Variants in ASCC3 observed in about 807,000 individuals in gnomAD.
ASCC3 encodes ASC-1 complex subunit P200.
ASCC3 carries 158 observed loss-of-function variants against 256.3 expected under a neutral mutation model. The observed-to-expected ratio is 0.62, with a 90% CI of 0.54 to 0.70. The LOEUF is 0.70. Among genes scored for constraint, ASCC3 ranks in the 30% least tolerant of loss-of-function variants. The pLI is 0.00. For missense variants in ASCC3, 2,259 were observed against 2,626.0 expected (o/e 0.86, Z 3.05); for synonymous variants, 948 against 883.4 (o/e 1.07, Z -1.30).
chr6:100,705,584 T>C (rs1357370488), intron 13 of ASCC3, among the ~76,000 whole-genome samples: 1 of 151,848 alleles, frequency 6.6e-6, no homozygotes, highest in Non-Finnish European at 1.5e-5. Flanking sequence ...CAGGGAGAAA[T>C]CCAAGATACT....
Position 100,617,664 on chromosome 6 carries a change from T to C in ASCC3, c.4785+7528A>G, listed in dbSNP as rs1582571467. Among the ~76,000 whole-genome samples the C allele has an allele frequency of 2.0e-5, 3 of 152,280 alleles. No individual in the cohort carries two copies. In the East Asian group the frequency reaches 5.8e-4, roughly 29 times the overall value. ...CTTCAAATGATAAACCCCATGGGTGTTTCCTGTGCTCTCCTCCACTCAACT... is the reference window on the plus strand; with the variant it reads ...CTTCAAATGATAAACCCCATGGGTGCTTCCTGTGCTCTCCTCCACTCAACT... On this transcript the variant is annotated intron_variant, in intron 30 of 41. Transcript: ENST00000369162.
intron 38 of ASCC3, among the ~76,000 whole-genome samples, chr6:100,517,746 CA>C (rs1162467084): frequency 6.6e-6 from 1 of 151,862 alleles, no homozygotes; most frequent in African/African-American, 2.4e-5. Context: ...AAAATGTTTC[CA>C]ATGCTTCAAA....
chr6:100,662,196 C>A, intron 15 of ASCC3, 149 bp downstream of exon 15: 1 of 1,088,064 alleles, frequency 9.2e-7, no homozygotes, highest in Non-Finnish European at 1.3e-6. Flanking sequence ...AAACTAGATT[C>A]TTATTGGAGA....
intron 26 of ASCC3, 62 bp from the exon 27 acceptor site, chr6:100,629,243 C>CA: frequency 6.9e-7 from 1 of 1,457,248 alleles, no homozygotes; most frequent in South Asian, 1.2e-5. Flanking sequence ...CTTGGAAATG[C>CA]AAAAACCTAT....
intron 10 of ASCC3, among the ~76,000 whole-genome samples, chr6:100,737,222 A>G (rs1317930856): frequency 2.3e-4 from 11 of 47,542 alleles, no homozygotes; most frequent in Admixed American, 7.2e-4. Flanking sequence ...TATGATCAGG[A>G]CTCAAAGTTT....
At chr6:100,859,553 T>C (rs1280728707) in intron 3 of ASCC3, among the ~76,000 whole-genome samples, 1 of 152,046 alleles carries the variant, frequency 6.6e-6, no homozygotes, top group Non-Finnish European at 1.5e-5. Flanking sequence ...ATACTTCCTA[T>C]TCCAGTCATT....
At chr6:100,558,888 G>A (rs1302248955) in intron 36 of ASCC3, among the ~76,000 whole-genome samples, 1 of 152,074 alleles carries the variant, frequency 6.6e-6, no homozygotes, top group Non-Finnish European at 1.5e-5. Context: ...TTTTGTAGGA[G>A]CTTTTTCTAT....
chr6:100,642,725 G>A lies in ASCC3; in HGVS notation c.3757C>T (p.Leu1253=). ...TCAAAAATAGGGATTGTAAATACCAGTAGTTGGGCTTCTTTACTAATGACC... is the reference window on the plus strand; with the variant it reads ...TCAAAAATAGGGATTGTAAATACCAATAGTTGGGCTTCTTTACTAATGACC... ...KQVISKEAQL[L]VFTIPIFEPL... Residue 1253 remains leucine, a synonymous_variant, in exon 24 of 42, where the codon CTG becomes TTG. Transcript: ENST00000369162. 1 of 1,613,652 alleles carries A rather than the reference G, an allele frequency of 6.2e-7. No homozygotes were observed. The highest frequency in any genetic ancestry group is 8.5e-7 in the Non-Finnish European group (1 of 1,179,648).
chr6:100,660,196 T>C (rs944804126), intron 16 of ASCC3, among the ~76,000 whole-genome samples: 3 of 151,622 alleles, frequency 2.0e-5, no homozygotes, highest in African/African-American at 4.8e-5. Context: ...TAATGAAAAG[T>C]CTAGGTTTAG....
At chr6:100,757,410 A>G (rs1338531826) in intron 10 of ASCC3, among the ~76,000 whole-genome samples, 1 of 151,982 alleles carries the variant, frequency 6.6e-6, no homozygotes, top group African/African-American at 2.4e-5. Context: ...GTAAAGAAAT[A>G]AAATAATAAC....
chr6:100,517,882 T>G, intron 38 of ASCC3, 109 bp downstream of exon 38: 1 of 1,220,744 alleles, frequency 8.2e-7, no homozygotes. Flanking sequence ...GTATTTTCCA[T>G]GTCAATAATC....
Position 100,540,368 on chromosome 6 carries a change from T to C in ASCC3, c.5570A>G (p.Asp1857Gly), listed in dbSNP as rs1775393435. ...SILSDAEEYT[D>G]LPVRHNEDHM... ...ATCTTCATTGTGTCTCACTGGCAAATCTGTATATTCTTCTGCATCCTGAAA... is the reference window on the plus strand; with the variant it reads ...ATCTTCATTGTGTCTCACTGGCAAACCTGTATATTCTTCTGCATCCTGAAA... Residue 1857 changes from aspartate (D) to glycine (G), a missense_variant, in exon 37 of 42, where the codon GAT (aspartate) becomes GGT (glycine). Physicochemically the swap from Asp to Gly is moderately conservative, Grantham distance 94. This residue lies in a region of ASCC3 where 1,839 missense variants were observed against 2,206.7 expected (regional missense o/e 0.83). Coordinates refer to ENST00000369162, the MANE Select transcript of ASCC3 (RefSeq NM_006828.4). The C allele has an allele frequency of 6.2e-7, 1 of 1,612,970 alleles. No homozygotes were observed. Among genetic ancestry groups the C allele is most frequent in the Non-Finnish European group, 8.5e-7 (1 of 1,179,670 alleles).
At chr6:100,610,848 T>C (rs1222730496) in intron 30 of ASCC3, among the ~76,000 whole-genome samples, 1 of 152,172 alleles carries the variant, frequency 6.6e-6, no homozygotes, top group East Asian at 1.9e-4. Flanking sequence ...AGACAACTTA[T>C]TCTCCATTTT....
At chr6:100,638,880 A>G (rs539872688) in intron 24 of ASCC3, 59 bp from the exon 25 acceptor site, 1 of 1,273,806 alleles carries the variant, frequency 7.9e-7, no homozygotes. Context: ...AATACTGAAT[A>G]CTGTATTATA....
intron 2 of ASCC3, among the ~76,000 whole-genome samples, chr6:100,865,656 A>G (rs908658823): frequency 6.6e-6 from 1 of 152,190 alleles, no homozygotes; most frequent in African/African-American, 2.4e-5. Context: ...AAAACTGCAT[A>G]AGGACTTTTA....
intron 10 of ASCC3, among the ~76,000 whole-genome samples, chr6:100,748,976 A>C (rs1780812793): frequency 6.6e-6 from 1 of 152,026 alleles, no homozygotes. Flanking sequence ...AAAGAAATTT[A>C]AGCCTATGCC....
intron 24 of ASCC3, among the ~76,000 whole-genome samples, chr6:100,640,373 G>A (rs1775062964): frequency 6.6e-6 from 1 of 152,080 alleles, no homozygotes; most frequent in Admixed American, 6.5e-5. Flanking sequence ...TGGAATCATT[G>A]AGGTTACTTT....
chr6:100,782,207 C>A (rs970073963), intron 8 of ASCC3, among the ~76,000 whole-genome samples: 1 of 151,986 alleles, frequency 6.6e-6, no homozygotes, highest in Non-Finnish European at 1.5e-5. Context: ...GAAGGTTATG[C>A]CTTACTAGTG....
chr6:100,550,039 A>C (rs1769211273), intron 36 of ASCC3, among the ~76,000 whole-genome samples: 1 of 151,936 alleles, frequency 6.6e-6, no homozygotes, highest in Admixed American at 6.6e-5. Context: ...GTAGCAGTGG[A>C]GTTGGGAACA....
Sources: gnomAD v4.1 joint callset for allele counts (sites outside exome capture counted in the v4.1 genomes callset) on GRCh38, gnomAD v4.1.1 for gene constraint, gnomAD v4.1.1 regional missense constraint, MANE v1.5 for transcripts, NCBI Gene and HGNC (gene_info 2026-07-23, HGNC 2026-07-21) for gene names.